Variants in SPIRE1 observed in about 807,000 individuals in gnomAD.
SPIRE1 encodes the protein spire type actin nucleation factor 1, also known as protein spire homolog 1.
Under a neutral mutation model 94.1 loss-of-function variants are expected in SPIRE1, and 40 were observed. The observed-to-expected ratio is 0.43, with a 90% CI of 0.33 to 0.55. The LOEUF (loss-of-function observed/expected upper bound fraction) is 0.55. SPIRE1 is among the 20% of genes least tolerant of loss of function. The pLI is 0.06. For missense variants in SPIRE1, 838 were observed against 975.2 expected, an observed-to-expected ratio of 0.86 and a Z score of 1.87; for synonymous variants, 376 against 371.7, an observed-to-expected ratio of 1.01 and a Z score of -0.13.
At position 12,506,535 on chromosome 18, in the gene SPIRE1, G is replaced by A; in HGVS notation, c.914C>T (p.Pro305Leu). ...NPLPIEYQLT[P>L]YEMLMDDIRC... ...AATGTCATCCATTAACATCTCATAA[G>A]GGGTGAGCTGATATTCAATGGGCAA... is the stretch of plus-strand genomic sequence containing the variant. The change falls in exon 6 of 17, where the codon CCT (proline) becomes CTT (leucine). Residue 305 changes from proline (P) to leucine (L), a missense_variant. This residue lies in a region of SPIRE1 where 645 missense variants were observed against 804.7 expected (regional missense o/e 0.80). Coordinates refer to ENST00000409402, the MANE Select transcript of SPIRE1 (RefSeq NM_001128626.2). The A allele has an allele frequency of 1.2e-6, 2 of 1,613,942 alleles. No individual in the cohort carries two copies. The highest frequency in any genetic ancestry group is 1.7e-6 in the Non-Finnish European group (2 of 1,179,868).
At chr18:12,659,966 T>C (rs1486868971), upstream of SPIRE1, among the ~76,000 whole-genome samples, 3 of 152,128 alleles carry the variant, frequency 2.0e-5, no homozygotes, top group Non-Finnish European at 4.4e-5. Context: ...ATTTTGCAAA[T>C]ACAGACTGGT....
At chr18:12,539,457 C>G (rs1434452919) in intron 3 of SPIRE1, among the ~76,000 whole-genome samples, 1 of 151,990 alleles carries the variant, frequency 6.6e-6, no homozygotes, top group Non-Finnish European at 1.5e-5. Flanking sequence ...TTTTTCTTCC[C>G]AGTTTTAGGT....
intron 2 of SPIRE1, among the ~76,000 whole-genome samples, chr18:12,621,962 T>C (rs2037481995): frequency 6.6e-6 from 1 of 152,212 alleles, no homozygotes; most frequent in Non-Finnish European, 1.5e-5. Context: ...TATTTTAATA[T>C]CTGCTAAATA....
At chr18:12,498,500 G>A (rs1464057393) in intron 6 of SPIRE1, among the ~76,000 whole-genome samples, 2 of 152,064 alleles carry the variant, frequency 1.3e-5, no homozygotes, top group African/African-American at 2.4e-5. Context: ...CGTCCACCTC[G>A]GCCTCCTAAA....
intron 1 of SPIRE1, among the ~76,000 whole-genome samples, chr18:12,641,448 A>G (rs2038083545): frequency 1.3e-5 from 2 of 151,158 alleles, no homozygotes; most frequent in South Asian, 4.2e-4. Context: ...GGCTTACTAC[A>G]ACCTCCGTCT....
intron 2 of SPIRE1, among the ~76,000 whole-genome samples, chr18:12,562,296 T>A (rs2035707782): frequency 6.6e-6 from 1 of 152,142 alleles, no homozygotes; most frequent in Admixed American, 6.6e-5. Context: ...TTTTGTTTTC[T>A]GTTTCTGAGA....
intron 2 of SPIRE1, among the ~76,000 whole-genome samples, chr18:12,550,816 G>A (rs968521196): frequency 6.6e-6 from 1 of 152,068 alleles, no homozygotes; most frequent in Non-Finnish European, 1.5e-5. Context: ...CTGCTTAATA[G>A]CATCCAACAC....
intron 2 of SPIRE1, among the ~76,000 whole-genome samples, chr18:12,556,704 C>G (rs965698681): frequency 4.6e-5 from 7 of 151,808 alleles, no homozygotes; most frequent in African/African-American, 1.7e-4. Context: ...CTCCCTCCCG[C>G]TGGGTTCATG....
intron 2 of SPIRE1, among the ~76,000 whole-genome samples, chr18:12,631,548 CA>C (rs869278182): frequency 1.2e-3 from 77 of 63,796 alleles, no homozygotes; most frequent in African/African-American, 4.5e-3. Context: ...CCCATCTCTA[CA>C]AAAAAAAAAA....
intron 4 of SPIRE1, among the ~76,000 whole-genome samples, chr18:12,534,202 C>T (rs1194080238): frequency 6.6e-6 from 1 of 152,106 alleles, no homozygotes; most frequent in East Asian, 1.9e-4. Context: ...GGGTGATCTG[C>T]CTGAGACATC....
At chr18:12,593,942 C>A (rs532827249) in intron 2 of SPIRE1, among the ~76,000 whole-genome samples, 2 of 136,874 alleles carry the variant, frequency 1.5e-5, no homozygotes, top group African/African-American at 5.4e-5. Context: ...AAGAGAGAAA[C>A]GCTGTCTCAA....
At chr18:12,626,046 C>T (rs2037615369) in intron 2 of SPIRE1, among the ~76,000 whole-genome samples, 1 of 141,556 alleles carries the variant, frequency 7.1e-6, no homozygotes, top group South Asian at 2.7e-4. Context: ...CGCCCCGCCC[C>T]CCCCCAAAAA....
Position 12,546,808 on chromosome 18 carries a change from T to TAA in SPIRE1, c.467_468dup (p.Ile157LeufsTer45). 1 of 1,614,138 alleles carries TAA rather than the reference T, an allele frequency of 6.2e-7. No individual in the cohort carries two copies. Among genetic ancestry groups the TAA allele is most frequent in the South Asian group, 1.1e-5 (1 of 91,080 alleles). On this transcript the variant is annotated frameshift_variant, in exon 3 of 17. Transcript: ENST00000409402. LOFTEE classifies it high-confidence loss of function. The stretch of plus-strand genomic sequence containing the variant: ...TCCACCGTGTTGGCCATGTGATCGA[T>TAA]AAGCTGCTCTAGGGGAGGGCTTAAT...
At position 12,506,764 on chromosome 18, in the gene SPIRE1, T is replaced by G; in HGVS notation, c.808-123A>C. ...AACAATGAGTAAACCAACAAAAAAC[T>G]ATTTTAAAAATTAGATTTTGGGTAC... On this transcript the variant is annotated intron_variant, in intron 5 of 16. Transcript: ENST00000409402. The G allele has an allele frequency of 3.0e-6, 3 of 994,900 alleles. No homozygotes were observed. The South Asian group carries it at 5.1e-5, about 17-fold the overall frequency. 61.6% of individuals were successfully genotyped at this position (994,900 alleles called of 1,614,324 possible).
At chr18:12,465,064 G>T in intron 10 of SPIRE1, 106 bp from the exon 11 acceptor site, 1 of 942,148 alleles carries the variant, frequency 1.1e-6, no homozygotes, top group Non-Finnish European at 1.6e-6. Flanking sequence ...AGGCACCAAA[G>T]TATGTCAAAG....
At chr18:12,595,369 T>A (rs1290833342) in intron 2 of SPIRE1, among the ~76,000 whole-genome samples, 1 of 152,212 alleles carries the variant, frequency 6.6e-6, no homozygotes. Flanking sequence ...ACTGTTATGT[T>A]ACCGGTAAGA....
In SPIRE1 at chr18:12,559,443, A is replaced by G. The variant is rs1598471767; in HGVS notation, c.373-12539T>C. Among the ~76,000 whole-genome samples the G allele has an allele frequency of 6.6e-6, 1 of 152,156 alleles. No homozygotes were observed. The highest frequency in any genetic ancestry group is 6.5e-5 in the Admixed American group (1 of 15,282). ...GTGCTGGCCTGCGAACACCACGCGC[A>G]GCCCTGGTTGCCACCCGCGCCTCTC... On this transcript the variant is annotated intron_variant, in intron 2 of 16. Coordinates refer to ENST00000409402, the MANE Select transcript of SPIRE1 (RefSeq NM_001128626.2). This position sits in a 1 kb window ranked among gnomAD's most constrained non-coding sequence, Gnocchi z 4.7.
intron 10 of SPIRE1, among the ~76,000 whole-genome samples, chr18:12,465,815 G>A (rs1025926043): frequency 6.6e-6 from 1 of 152,124 alleles, no homozygotes; most frequent in African/African-American, 2.4e-5. Context: ...GCCAGGTACG[G>A]TGGCTCGCAC....
Position 12,559,188 on chromosome 18 carries a change from T to TGGGGTGGGGG in SPIRE1, c.373-12285_373-12284insCCCCCACCCC, listed in dbSNP as rs1555624670. On this transcript the variant is annotated intron_variant, in intron 2 of 16. Coordinates refer to ENST00000409402, the MANE Select transcript of SPIRE1 (RefSeq NM_001128626.2). This position sits in a 1 kb window ranked among gnomAD's most constrained non-coding sequence, Gnocchi z 4.7. ...TAGGAGCCCACGGGGTGGGGTGGGGTGGGGGGGCGCCGGCATGGCAGGCTG... is the reference window on the plus strand; with the variant it reads ...TAGGAGCCCACGGGGTGGGGTGGGGTGGGGTGGGGGGGGGGGGCGCCGGCATGGCAGGCTG... Among the ~76,000 whole-genome samples the TGGGGTGGGGG allele has an allele frequency of 4.5e-5, 1 of 22,388 alleles. No individual in the cohort carries two copies. Among genetic ancestry groups the TGGGGTGGGGG allele is most frequent in the African/African-American group, 1.1e-4 (1 of 9,246 alleles). The allele number at this position is 22,388 out of a possible 152,430, so 14.7% of individuals were successfully genotyped here.
Sources: allele counts gnomAD v4.1 joint callset (sites outside exome capture counted in the v4.1 genomes callset), GRCh38; gene constraint gnomAD v4.1.1; regional missense constraint gnomAD v4.1.1; non-coding constraint Gnocchi (gnomAD v3.1); transcripts MANE v1.5; gene names NCBI Gene and HGNC (gene_info 2026-07-23, HGNC 2026-07-21).